GPC5: variants seen among roughly 807,000 people sequenced by gnomAD.
GPC5 encodes glypican 5, also known as glypican-5.
In GPC5, 47 loss-of-function variants were observed where a neutral mutation model predicts 53.9. The observed-to-expected ratio is 0.87, with a 90% CI of 0.69 to 1.11. The LOEUF (loss-of-function observed/expected upper bound fraction) is 1.11, where lower values mean the gene tolerates loss of function less well. Ranked by LOEUF, GPC5 falls within the 50% of genes most tolerant of loss-of-function variation. The probability of loss-of-function intolerance (pLI) is 0.00; values close to 1 mark genes in which losing one functional copy is unlikely to be tolerated. For synonymous variants in GPC5, 286 were observed against 263.3 expected, an observed-to-expected ratio of 1.09 and a Z score of -0.84; for missense variants, 748 against 713.1, an observed-to-expected ratio of 1.05 and a Z score of -0.56.
chr13:92,830,801 A>T (rs1878020682), intron 7 of GPC5, among the ~76,000 whole-genome samples: 1 of 152,186 alleles, frequency 6.6e-6, no homozygotes, highest in Admixed American at 6.5e-5. Context: ...GAATTCTGCA[A>T]GTATCAACCG....
intron 6 of GPC5, among the ~76,000 whole-genome samples, chr13:91,916,976 C>G (rs907263029): frequency 6.6e-6 from 1 of 152,164 alleles, no homozygotes; most frequent in Non-Finnish European, 1.5e-5. Flanking sequence ...CTGGCTTCTT[C>G]CAAATCTCAA....
chr13:92,207,880 G>A (rs140258692), intron 7 of GPC5, among the ~76,000 whole-genome samples: 6 of 152,178 alleles, frequency 3.9e-5, no homozygotes, highest in Non-Finnish European at 8.8e-5. Context: ...AGGTATGCAA[G>A]TCCAGTCCGG....
chr13:92,511,865 C>T (rs533062265), intron 7 of GPC5, among the ~76,000 whole-genome samples: 1 of 152,236 alleles, frequency 6.6e-6, no homozygotes, highest in South Asian at 2.1e-4. Flanking sequence ...TGATCATTTT[C>T]CATCTCAGTA....
At chr13:92,835,406 C>A (rs1480198067) in intron 7 of GPC5, among the ~76,000 whole-genome samples, 1 of 151,908 alleles carries the variant, frequency 6.6e-6, no homozygotes, top group African/African-American at 2.4e-5. Context: ...CAACAGAGAT[C>A]AGCTTTGTTT....
chr13:92,413,814 G>A (rs573595055), intron 7 of GPC5, among the ~76,000 whole-genome samples: 27 of 152,240 alleles, frequency 1.8e-4, no homozygotes, highest in South Asian at 8.3e-4. Context: ...TGAGAAGAGG[G>A]GCTGAGATGA....
intron 7 of GPC5, among the ~76,000 whole-genome samples, chr13:92,718,895 CAAA>C (rs113129932): frequency 1.2e-3 from 126 of 102,940 alleles, no homozygotes; most frequent in Middle Eastern, 6.3e-3. Context: ...CGTCCCCCCA[CAAA>C]AAAAAAAAAA....
chr13:91,739,878 C>G (rs1230582129), intron 4 of GPC5, among the ~76,000 whole-genome samples: 1 of 151,358 alleles, frequency 6.6e-6, no homozygotes, highest in Non-Finnish European at 1.5e-5. Context: ...GAGACTGGCT[C>G]TCATCCATCT....
chr13:92,745,988 C>T (rs1264694902), intron 7 of GPC5, among the ~76,000 whole-genome samples: 1 of 152,080 alleles, frequency 6.6e-6, no homozygotes, highest in Admixed American at 6.6e-5. Flanking sequence ...AAAATTTACT[C>T]ATGAACACAA....
At chr13:91,886,930 T>C (rs934312009) in intron 5 of GPC5, among the ~76,000 whole-genome samples, 67 of 152,196 alleles carry the variant, frequency 4.4e-4, no homozygotes, top group Middle Eastern at 6.8e-3. Flanking sequence ...GTGGATCTAC[T>C]GTTCTAGGGT....
At chr13:92,452,587 C>A (rs1386361290) in intron 7 of GPC5, among the ~76,000 whole-genome samples, 1 of 145,990 alleles carries the variant, frequency 6.8e-6, no homozygotes, top group South Asian at 2.2e-4. Flanking sequence ...ACAAAAAAAA[C>A]AACCAAGTCC....
intron 7 of GPC5, among the ~76,000 whole-genome samples, chr13:92,527,522 A>G (rs1465033222): frequency 6.6e-6 from 1 of 152,104 alleles, no homozygotes; most frequent in Non-Finnish European, 1.5e-5. Context: ...GGTGAGCTTG[A>G]GAAGAGTAAA....
At chr13:92,695,571 T>C (rs1018010844) in intron 7 of GPC5, among the ~76,000 whole-genome samples, 1 of 152,228 alleles carries the variant, frequency 6.6e-6, no homozygotes, top group East Asian at 1.9e-4. Context: ...GAAGAAGTGA[T>C]ATTGATGATC....
chr13:92,375,240 C>A (rs1012342446), intron 7 of GPC5, among the ~76,000 whole-genome samples: 1 of 152,122 alleles, frequency 6.6e-6, no homozygotes, highest in Admixed American at 6.5e-5. Context: ...GTCTTCATTG[C>A]AAACTTTACA....
chr13:91,448,285 C>T (rs769947716), intron 1 of GPC5, among the ~76,000 whole-genome samples: 14 of 152,280 alleles, frequency 9.2e-5, no homozygotes, highest in Middle Eastern at 3.4e-3. Flanking sequence ...ACAAGCAGCA[C>T]GAGCCTGATG....
chr13:92,513,575 T>C (rs1322883432), intron 7 of GPC5, among the ~76,000 whole-genome samples: 1 of 151,204 alleles, frequency 6.6e-6, no homozygotes, highest in East Asian at 2.0e-4. Flanking sequence ...CCTTTTTCCT[T>C]TTTTCTTTCC....
At chr13:91,403,610 T>C (rs1376353446) in intron 1 of GPC5, among the ~76,000 whole-genome samples, 2 of 152,224 alleles carry the variant, frequency 1.3e-5, no homozygotes, top group African/African-American at 4.8e-5. Flanking sequence ...TGCCTCATCA[T>C]TGTTTTCTAA....
intron 6 of GPC5, among the ~76,000 whole-genome samples, chr13:91,965,073 G>T (rs1482508875): frequency 7.8e-6 from 1 of 127,800 alleles, no homozygotes. Context: ...TCACACACTG[G>T]GGCCTGTCAT....
intron 2 of GPC5, among the ~76,000 whole-genome samples, chr13:91,613,657 A>G (rs779978455): frequency 1.5e-4 from 23 of 152,226 alleles, no homozygotes; most frequent in Non-Finnish European, 3.2e-4. Context: ...ACAAGGAAGA[A>G]GAAGAAGTGG....
At chr13:92,321,334 C>T (rs983738872) in intron 7 of GPC5, among the ~76,000 whole-genome samples, 2 of 152,194 alleles carry the variant, frequency 1.3e-5, no homozygotes, top group Non-Finnish European at 2.9e-5. Context: ...TGGCTGACGC[C>T]TGTAATCCCA....
Sources: gnomAD v4.1 joint callset for allele counts (sites outside exome capture counted in the v4.1 genomes callset) on GRCh38, gnomAD v4.1.1 for gene constraint, MANE v1.5 for transcripts, NCBI Gene and HGNC (gene_info 2026-07-23, HGNC 2026-07-21) for gene names.